TBC1D5: variants seen among roughly 807,000 people sequenced by gnomAD.
TBC1D5 encodes the protein TBC1 domain family member 5, also known as TBC1 domain family, member 5.
A neutral mutation model predicts 100.3 loss-of-function variants in TBC1D5; 75 were observed. That is an observed-to-expected ratio of 0.75 (90% CI 0.62 to 0.91). The LOEUF (loss-of-function observed/expected upper bound fraction) is 0.91. Among genes scored for constraint, TBC1D5 ranks in the 40% least tolerant of loss-of-function variants. The probability of loss-of-function intolerance (pLI) is 0.00; values close to 1 mark genes in which losing one functional copy is unlikely to be tolerated. For synonymous variants in TBC1D5, 323 were observed against 325.6 expected (o/e 0.99, Z 0.09); for missense variants, 910 against 942.4 (o/e 0.97, Z 0.45).
chr3:17,439,213 G>A lies in TBC1D5; in HGVS notation c.98-10694C>T, dbSNP rs571758635. Among the ~76,000 whole-genome samples the A allele has an allele frequency of 9.2e-5, 14 of 152,160 alleles. 1 individual carries two copies. Among genetic ancestry groups the A allele is most frequent in the African/African-American group, 2.7e-4 (11 of 41,506 alleles). ...AAAATGTAAAGGCATCTGTTAACCC[G>A]AAGTACATAACTTTCAATGTTAATA... On this transcript the variant is annotated intron_variant, in intron 3 of 21. Coordinates refer to ENST00000253692, the Ensembl canonical transcript of TBC1D5.
chr3:17,528,865 CA>C (rs1027209421), intron 2 of TBC1D5, among the ~76,000 whole-genome samples: 5 of 151,940 alleles, frequency 3.3e-5, no homozygotes, highest in South Asian at 2.1e-4. Flanking sequence ...CAAAACACTA[CA>C]AAAAAAATTG....
At chr3:17,645,434 G>C (rs924821683) in intron 1 of TBC1D5, among the ~76,000 whole-genome samples, 20 of 152,144 alleles carry the variant, frequency 1.3e-4, no homozygotes, top group Admixed American at 1.2e-3. Flanking sequence ...ACTCGCAGCT[G>C]TCAGGAACTG....
intron 2 of TBC1D5, among the ~76,000 whole-genome samples, chr3:17,605,976 GA>G (rs550192116): frequency 1.9e-3 from 287 of 152,180 alleles, no homozygotes; most frequent in Non-Finnish European, 2.9e-3. Flanking sequence ...TCTAGTTCTA[GA>G]CACATTTATT....
intron 14 of TBC1D5, among the ~76,000 whole-genome samples, chr3:17,297,310 C>G (rs1247820322): frequency 6.6e-6 from 1 of 152,228 alleles, no homozygotes; most frequent in Admixed American, 6.5e-5. Flanking sequence ...GGCGTGGTGG[C>G]TCACGCCTGT....
chr3:17,740,577 G>A (rs2077345718), exon 1 of TBC1D5: 2 of 152,122 alleles, frequency 1.3e-5, no homozygotes, highest in South Asian at 4.1e-4. Context: ...GAAGTTATGT[G>A]TGACATTTCT....
intron 16 of TBC1D5, among the ~76,000 whole-genome samples, chr3:17,247,996 T>G (rs1478043834): frequency 6.7e-6 from 1 of 149,944 alleles, no homozygotes; most frequent in Non-Finnish European, 1.5e-5. Context: ...TAATTTTTTT[T>G]TTTTTTTTTC....
At chr3:17,316,214 T>TA (rs1184402852) in intron 13 of TBC1D5, among the ~76,000 whole-genome samples, 1 of 152,134 alleles carries the variant, frequency 6.6e-6, no homozygotes, top group Non-Finnish European at 1.5e-5. Flanking sequence ...GAACTATAGT[T>TA]AGAGAAATTT....
intron 13 of TBC1D5, among the ~76,000 whole-genome samples, chr3:17,368,537 T>A (rs1169009530): frequency 6.6e-6 from 1 of 152,104 alleles, no homozygotes; most frequent in Non-Finnish European, 1.5e-5. Context: ...CTTAATTTAA[T>A]CTTGCTAACA....
chr3:17,409,100 C>A (rs192922765), intron 4 of TBC1D5, among the ~76,000 whole-genome samples: 1 of 152,160 alleles, frequency 6.6e-6, no homozygotes, highest in Middle Eastern at 3.2e-3. Flanking sequence ...CTTCATTTTA[C>A]TGCACTTCAC....
At chr3:17,278,393 T>G (rs1210418459) in intron 15 of TBC1D5, among the ~76,000 whole-genome samples, 1 of 152,238 alleles carries the variant, frequency 6.6e-6, no homozygotes, top group Non-Finnish European at 1.5e-5. Context: ...GATATGTGTA[T>G]ATTTATTTAT....
intron 16 of TBC1D5, among the ~76,000 whole-genome samples, chr3:17,256,667 T>TA (rs2077720776): frequency 6.6e-6 from 1 of 152,172 alleles, no homozygotes; most frequent in Admixed American, 6.5e-5. Context: ...ATACCAGTCA[T>TA]CATTGTCCTA....
Position 17,291,883 on chromosome 3 carries a change from G to A in TBC1D5, c.1245+12C>T. The stretch of plus-strand genomic sequence containing the variant: ...AACTTAAAATTATGCATACCCTACT[G>A]GGGAAGCTTACCTTTGGATCTCTAA... On this transcript the variant is annotated intron_variant, in intron 15 of 21. Coordinates refer to ENST00000253692, the Ensembl canonical transcript of TBC1D5. 1 of 1,608,934 alleles carries A rather than the reference G, an allele frequency of 6.2e-7. No homozygotes were observed. Among genetic ancestry groups the A allele is most frequent in the Admixed American group, 1.7e-5 (1 of 59,556 alleles).
In TBC1D5 at chr3:17,376,674, T is replaced by G. The variant is rs183531119; in HGVS notation, c.613-61A>C. On this transcript the variant is annotated intron_variant, in intron 9 of 21. Transcript: ENST00000253692. Reference sequence around the variant, plus strand: ...ATACTCAGAGTCCATTAGTGGACAGTATAAACTCAGTTAAATACTTCTTCA... The same window carrying G: ...ATACTCAGAGTCCATTAGTGGACAGGATAAACTCAGTTAAATACTTCTTCA... The G allele has an allele frequency of 4.2e-6, 6 of 1,426,750 alleles. No homozygotes were observed. In the Admixed American group the frequency reaches 1.3e-4, roughly 32 times the overall value. 88.4% of individuals were successfully genotyped at this position (1,426,750 alleles called of 1,614,324 possible).
At chr3:17,642,330 A>G (rs986251824) in intron 1 of TBC1D5, among the ~76,000 whole-genome samples, 1 of 152,108 alleles carries the variant, frequency 6.6e-6, no homozygotes, top group Non-Finnish European at 1.5e-5. Context: ...ATAACCATAT[A>G]TATTATCATG....
chr3:17,275,675 T>C (rs1426818010), intron 15 of TBC1D5, among the ~76,000 whole-genome samples: 1 of 152,210 alleles, frequency 6.6e-6, no homozygotes, highest in Non-Finnish European at 1.5e-5. Context: ...GTTTAATATA[T>C]ATCTAATGAA....
chr3:17,412,794 A>T lies in TBC1D5; in HGVS notation c.168-6268T>A, dbSNP rs562637416. Among the ~76,000 whole-genome samples the T allele has an allele frequency of 1.2e-3, 186 of 152,318 alleles. 2 individuals carry two copies. The highest frequency in any genetic ancestry group is 2.4e-3 in the Non-Finnish European group (164 of 68,028). On this transcript the variant is annotated intron_variant, in intron 4 of 21. Transcript: ENST00000253692. The stretch of plus-strand genomic sequence containing the variant: ...ATTGAATAACTTGTCAAGAGAATAA[A>T]GAAATGAGAAATAGGAAAGACATCT...
At chr3:17,384,155 TG>T in intron 8 of TBC1D5, 140 bp from the exon 9 acceptor site, 1 of 615,892 alleles carries the variant, frequency 1.6e-6, no homozygotes. Context: ...ATGCCTTTAG[TG>T]GGGACTGAAA....
chr3:17,453,924 T>G (rs1266451048), intron 3 of TBC1D5, among the ~76,000 whole-genome samples: 1 of 152,164 alleles, frequency 6.6e-6, no homozygotes, highest in East Asian at 1.9e-4. Context: ...CATGACCAAG[T>G]GGGATTTATC....
Position 17,264,057 on chromosome 3 carries a change from T to C in TBC1D5, c.1246-5466A>G, listed in dbSNP as rs180895280. ...CTCCCCTTGGCCATACTCTGCACTC[T>C]GTAATGGAAGTCTGTAGATCAGCTG... On this transcript the variant is annotated intron_variant, in intron 15 of 21. Coordinates refer to ENST00000253692, the Ensembl canonical transcript of TBC1D5. Among the ~76,000 whole-genome samples, 5 of 152,282 alleles carry C rather than the reference T, an allele frequency of 3.3e-5. No individual in the cohort carries two copies. The East Asian group carries it at 7.7e-4, about 24-fold the overall frequency.
Sources: gnomAD v4.1 joint callset for allele counts (sites outside exome capture counted in the v4.1 genomes callset) on GRCh38, gnomAD v4.1.1 for gene constraint, MANE v1.5 for transcripts, NCBI Gene and HGNC (gene_info 2026-07-23, HGNC 2026-07-21) for gene names.